OLR1: variants seen among roughly 807,000 people sequenced by gnomAD.
OLR1 encodes the protein oxidized low-density lipoprotein receptor 1.
OLR1 carries 23 observed loss-of-function variants against 31.7 expected under a neutral mutation model. The ratio of observed to expected loss-of-function variants is 0.72; its 90% CI spans 0.52 to 1.03. OLR1 has a LOEUF of 1.03. Ranked by LOEUF, OLR1 falls within the 50% of genes least tolerant of loss-of-function variation. The probability of loss-of-function intolerance (pLI) is 0.00; values close to 1 mark genes in which losing one functional copy is unlikely to be tolerated. For synonymous variants in OLR1, 117 were observed against 115.8 expected (o/e 1.01, Z -0.07); for missense variants, 286 against 315.7 (o/e 0.91, Z 0.71).
chr12:10,172,458 G>T (rs183999346), upstream of OLR1: 91 of 162,142 alleles, frequency 5.6e-4, no homozygotes, highest in Non-Finnish European at 3.5e-4. Flanking sequence ...CAGAATTATG[G>T]GCCAAAATAT....
chr12:10,174,289 C>CT (rs772893806), upstream of OLR1, among the ~76,000 whole-genome samples: 8 of 152,170 alleles, frequency 5.3e-5, no homozygotes, highest in Admixed American at 1.3e-4. Flanking sequence ...TCTTGAACTC[C>CT]TGTCCTCAAG....
upstream of OLR1, among the ~76,000 whole-genome samples, chr12:10,174,843 T>C (rs942906871): frequency 6.6e-6 from 1 of 152,222 alleles, no homozygotes; most frequent in African/African-American, 2.4e-5. Flanking sequence ...TATTTGTCCT[T>C]TTGTATCTAA....
upstream of OLR1, among the ~76,000 whole-genome samples, chr12:10,173,989 C>T (rs1289202823): frequency 6.6e-6 from 1 of 152,142 alleles, no homozygotes; most frequent in Admixed American, 6.5e-5. Flanking sequence ...TTTTCATCTT[C>T]CCCAACTGAA....
At chr12:10,173,627 C>T (rs1414555323), upstream of OLR1, among the ~76,000 whole-genome samples, 1 of 151,814 alleles carries the variant, frequency 6.6e-6, no homozygotes, top group East Asian at 1.9e-4. Context: ...ACTAAAAATA[C>T]AAAAGTTAGC....
At position 10,159,796 on chromosome 12, in the gene OLR1, G is replaced by A; in HGVS notation, c.*84C>T. On this transcript the variant is annotated 3_prime_UTR_variant, in exon 6 of 6. Transcript: ENST00000309539. ...AAATGACAGTTTTCTGGGCTCTCAT[G>A]TTTGGCACCCAAGTGACAAAGAATA... 2 of 1,388,770 alleles carry A rather than the reference G, an allele frequency of 1.4e-6. No homozygotes were observed. Among genetic ancestry groups the A allele is most frequent in the South Asian group, 1.4e-5 (1 of 70,354 alleles). 86.0% of individuals were successfully genotyped at this position (1,388,770 alleles called of 1,614,324 possible).
upstream of OLR1, among the ~76,000 whole-genome samples, chr12:10,175,000 T>C (rs1241201146): frequency 6.6e-6 from 1 of 152,214 alleles, no homozygotes; most frequent in East Asian, 1.9e-4. Flanking sequence ...ACGTTTGGGT[T>C]TATCCTGTTT....
chr12:10,160,209 G>C (rs1387571098), intron 5 of OLR1, 138 bp downstream of exon 5: 1 of 908,516 alleles, frequency 1.1e-6, no homozygotes, highest in African/African-American at 1.7e-5. Flanking sequence ...GGTAAGGAAG[G>C]AGACTTTGAG....
At position 10,169,056 on chromosome 12, in the gene OLR1, C is replaced by T; in HGVS notation, c.178+18G>A. ...ACCCCTGCCCCAATAAACATCAGTTCCGTATTTTAGCACTTACATTGCATG... is the reference window on the plus strand; with the variant it reads ...ACCCCTGCCCCAATAAACATCAGTTTCGTATTTTAGCACTTACATTGCATG... On this transcript the variant is annotated intron_variant, in intron 2 of 5. Coordinates refer to ENST00000309539, the MANE Select transcript of OLR1 (RefSeq NM_002543.4). 1.3e-6 allele frequency: 2 copies of T among 1,564,138 alleles called. No homozygotes were observed. The highest frequency in any genetic ancestry group is 1.7e-6 in the Non-Finnish European group (2 of 1,146,818).
At chr12:10,174,111 A>G (rs2742107), upstream of OLR1, among the ~76,000 whole-genome samples, 65,352 of 151,678 alleles carry the variant, frequency 0.43, 15,708 homozygotes, top group African/African-American at 0.65. Flanking sequence ...CCCAGGGTGG[A>G]TTGCAATGGC....
chr12:10,173,321 G>C (rs150053062), upstream of OLR1, among the ~76,000 whole-genome samples: 42 of 151,958 alleles, frequency 2.8e-4, 1 homozygote, highest in East Asian at 7.9e-3. Context: ...AAAGTGCAAA[G>C]AAAAGAATAC....
upstream of OLR1, chr12:10,172,198 A>G: frequency 3.0e-6 from 2 of 673,320 alleles, no homozygotes; most frequent in South Asian, 3.7e-5. Flanking sequence ...GAATGACTCA[A>G]TCATTGGTAG....
At chr12:10,163,315 C>T (rs140435914) in intron 3 of OLR1, among the ~76,000 whole-genome samples, 5 of 152,086 alleles carry the variant, frequency 3.3e-5, no homozygotes, top group South Asian at 2.1e-4. Context: ...GTGCTGCTCT[C>T]GAGACATTTT....
chr12:10,165,164 G>A (rs1390865130), intron 3 of OLR1, among the ~76,000 whole-genome samples: 3 of 152,170 alleles, frequency 2.0e-5, no homozygotes, highest in East Asian at 3.8e-4. Context: ...TCGGGAGGCT[G>A]AGGCAGGAGA....
chr12:10,166,646 CA>C, intron 3 of OLR1, 65 bp downstream of exon 3: 3 of 1,589,412 alleles, frequency 1.9e-6, no homozygotes, highest in African/African-American at 2.7e-5. Context: ...GAATTGTTTC[CA>C]AAAAATAGTT....
intron 3 of OLR1, among the ~76,000 whole-genome samples, chr12:10,162,955 T>TTGTG (rs10637880): frequency 0.14 from 21,870 of 151,288 alleles, 2,158 homozygotes; most frequent in African/African-American, 0.28. Context: ...CTGTATTTCT[T>TTGTG]TGTGTGTGTG....
chr12:10,170,608 C>T (rs950834866), intron 1 of OLR1: 1 of 151,144 alleles, frequency 6.6e-6, no homozygotes, highest in Non-Finnish European at 1.5e-5. Flanking sequence ...TCTCCTGCCT[C>T]AGCCTCCTGA....
At chr12:10,168,962 T>A (rs1163978087) in intron 2 of OLR1, 112 bp downstream of exon 2, 1 of 618,438 alleles carries the variant, frequency 1.6e-6, no homozygotes, top group South Asian at 3.5e-5. Context: ...AAAATGAATC[T>A]ATATCAAGGC....
At chr12:10,174,064 G>GTTTGTTTT (rs1373908940), upstream of OLR1, among the ~76,000 whole-genome samples, 1 of 151,430 alleles carries the variant, frequency 6.6e-6, no homozygotes, top group African/African-American at 2.4e-5. Flanking sequence ...TTGTTTGTTT[G>GTTTGTTTT]TTTGTTTGTT....
intron 3 of OLR1, 67 bp downstream of exon 3, chr12:10,166,645 C>G: frequency 6.3e-7 from 1 of 1,586,232 alleles, no homozygotes; most frequent in Non-Finnish European, 8.6e-7. Context: ...AGAATTGTTT[C>G]CAAAAAATAG....
Sources: allele counts gnomAD v4.1 joint callset (sites outside exome capture counted in the v4.1 genomes callset), GRCh38; gene constraint gnomAD v4.1.1; transcripts MANE v1.5; gene names NCBI Gene and HGNC (gene_info 2026-07-23, HGNC 2026-07-21).